Variants in CLCN7 observed in about 807,000 individuals in gnomAD.
The protein encoded by CLCN7 is H(+)/Cl(-) exchange transporter 7.
CLCN7 carries 60 observed loss-of-function variants against 102.1 expected under a neutral mutation model. The observed-to-expected ratio is 0.59, with a 90% CI of 0.48 to 0.73. The LOEUF (loss-of-function observed/expected upper bound fraction) is 0.73, where lower values mean the gene tolerates loss of function less well. Among genes scored for constraint, CLCN7 ranks in the 30% least tolerant of loss-of-function variants. CLCN7 has a pLI of 0.00. For missense variants in CLCN7, 962 were observed against 1,125.7 expected, an observed-to-expected ratio of 0.85 and a Z score of 2.08; for synonymous variants, 560 against 490.5, an observed-to-expected ratio of 1.14 and a Z score of -1.87.
At chr16:1,447,107 T>C in intron 23 of CLCN7, 21 bp from the exon 24 acceptor site, 1 of 1,579,570 alleles carries the variant, frequency 6.3e-7, no homozygotes, top group Non-Finnish European at 8.6e-7. Context: ...GGCACAGCTG[T>C]CAGTGCCCGC....
At chr16:1,452,097 C>T in intron 15 of CLCN7, 2 of 329,754 alleles carry the variant, frequency 6.1e-6, no homozygotes, top group South Asian at 5.1e-5. Flanking sequence ...GGCCCAGAGC[C>T]TCCTGGGCTC....
At chr16:1,462,025 C>T (rs1032190684) in intron 2 of CLCN7, among the ~76,000 whole-genome samples, 4 of 151,230 alleles carry the variant, frequency 2.6e-5, no homozygotes, top group African/African-American at 9.7e-5. Flanking sequence ...GCAGAGGTTG[C>T]AGTGAGCCGA....
In CLCN7 at chr16:1,446,534, G is replaced by T. The variant is rs1226225020; in HGVS notation, c.*97C>A. On this transcript the variant is annotated 3_prime_UTR_variant, in exon 25 of 25. Transcript: ENST00000382745. ...AGGGTGCTCGCCATTGCCACTGCTG[G>T]GGAGCATGGTTTGGGCCGAGAAACC... 2.6e-6 allele frequency: 3 copies of T among 1,156,570 alleles called. No homozygotes were observed. Among genetic ancestry groups the T allele is most frequent in the Non-Finnish European group, 3.8e-6 (3 of 791,328 alleles). The allele number at this position is 1,156,570 out of a possible 1,614,324, so 71.6% of individuals were successfully genotyped here.
At chr16:1,458,254 A>T (rs910754490) in intron 7 of CLCN7, among the ~76,000 whole-genome samples, 5 of 152,206 alleles carry the variant, frequency 3.3e-5, no homozygotes, top group African/African-American at 1.2e-4. Context: ...GGTGTTTATC[A>T]GCCTCCCTGC....
At position 1,446,184 on chromosome 16, in the gene CLCN7, G is replaced by C. The variant is rs2038636527; in HGVS notation, c.*447C>G. On this transcript the variant is annotated 3_prime_UTR_variant, in exon 25 of 25. Coordinates refer to ENST00000382745, the MANE Select transcript of CLCN7 (RefSeq NM_001287.6). ...GAAAATGAGGCCAAGCAGCTCCCAA[G>C]TCTCGAAGACTCCACTGGTGTGGAG... 1.3e-5 allele frequency: 8 copies of C among 608,730 alleles called. No individual in the cohort carries two copies. The allele number at this position is 608,730 out of a possible 1,614,324, so 37.7% of individuals were successfully genotyped here. A position where few individuals can be genotyped will look rare whatever the true frequency, so the allele number is the denominator to read the frequency against.
At chr16:1,468,736 C>T (rs74586438) in intron 1 of CLCN7, among the ~76,000 whole-genome samples, 1 of 127,992 alleles carries the variant, frequency 7.8e-6, no homozygotes, top group Non-Finnish European at 1.7e-5. Context: ...CCTGCACCCC[C>T]TTCCTGGTGC....
chr16:1,447,889 T>C (rs1282429828), intron 21 of CLCN7, among the ~76,000 whole-genome samples, 175 bp from the exon 22 acceptor site: 1 of 152,152 alleles, frequency 6.6e-6, no homozygotes, highest in Non-Finnish European at 1.5e-5. Context: ...ACACGCACAA[T>C]GCCACGGGAC....
rs2038914553 is a variant in CLCN7, at chr16:1,460,423, T to C, written c.589A>G (p.Ile197Val). The change falls in exon 6 of 25, where the codon ATA (isoleucine) becomes GTA (valine). Residue 197 changes from isoleucine (I) to valine (V), a missense_variant. This residue lies in a region of CLCN7 where 799 missense variants were observed against 988.0 expected (regional missense o/e 0.81). Transcript: ENST00000382745. Reference sequence around the variant, plus strand: ...TGCGGCATCCTGCCACCCACCTCTATGAAAGCCACAATCACAGAGCCCACG... The same window carrying C: ...TGCGGCATCCTGCCACCCACCTCTACGAAAGCCACAATCACAGAGCCCACG... ...VLVGSVIVAF[I>V]EPVAAGSGIP... 1.2e-6 allele frequency: 2 copies of C among 1,612,654 alleles called. No homozygotes were observed. Among genetic ancestry groups the C allele is most frequent in the Non-Finnish European group, 1.7e-6 (2 of 1,179,072 alleles).
intron 1 of CLCN7, among the ~76,000 whole-genome samples, chr16:1,469,946 T>C (rs2039054229): frequency 6.6e-6 from 1 of 152,130 alleles, no homozygotes; most frequent in South Asian, 2.1e-4. Flanking sequence ...CCCCGTGAAA[T>C]AAGCCAGTCA....
At chr16:1,455,657 A>G in intron 11 of CLCN7, 74 bp downstream of exon 11, 2 of 1,506,724 alleles carry the variant, frequency 1.3e-6, no homozygotes, top group Non-Finnish European at 1.8e-6. Flanking sequence ...GGTGGCCCCA[A>G]GGTGGACCCC....
intron 2 of CLCN7, among the ~76,000 whole-genome samples, chr16:1,462,683 A>AAAAAAC (rs1471363912): frequency 6.6e-6 from 1 of 150,956 alleles, no homozygotes; most frequent in African/African-American, 2.5e-5. Flanking sequence ...AAAAAAAAAA[A>AAAAAAC]AAAACCAGGC....
rs1169535855 is a variant in CLCN7, at chr16:1,451,921, AAGG to A, written c.1354-208_1354-206del. The stretch of plus-strand genomic sequence containing the variant: ...GGCCCAAGCCATGGTCACGGAGGGA[AAGG>A]AGGACACACACGGCCTAGGCCCAGC... On this transcript the variant is annotated intron_variant, in intron 15 of 24. Transcript: ENST00000382745. 13 of 596,338 alleles carry A rather than the reference AAGG, an allele frequency of 2.2e-5. No individual in the cohort carries two copies. The East Asian group carries it at 3.6e-4, about 17-fold the overall frequency. 36.9% of individuals were successfully genotyped at this position (596,338 alleles called of 1,614,324 possible). A position where few individuals can be genotyped will look rare whatever the true frequency, so the allele number is the denominator to read the frequency against.
chr16:1,467,955 T>C (rs1172345185), intron 1 of CLCN7: 1 of 152,186 alleles, frequency 6.6e-6, no homozygotes, highest in Admixed American at 6.6e-5. Flanking sequence ...TGGTGGCGTG[T>C]ACCTGTGGCC....
chr16:1,448,417 G>A lies in CLCN7; in HGVS notation c.1951C>T (p.Leu651=). 1 of 1,612,592 alleles carries A rather than the reference G, an allele frequency of 6.2e-7. No homozygotes were observed. The highest frequency in any genetic ancestry group is 8.5e-7 in the Non-Finnish European group (1 of 1,179,964). The part of the protein sequence containing the change: ...REKVGVIVDV[L]SDTASNHNGF... ...TTGTGATTGGACGCCGTGTCGCTCAGCACGTCCACAATGACGCCGACCTTC... is the reference window on the plus strand; with the variant it reads ...TTGTGATTGGACGCCGTGTCGCTCAACACGTCCACAATGACGCCGACCTTC... Residue 651 remains leucine, a synonymous_variant, in exon 21 of 25, where the codon CTG becomes TTG. Coordinates refer to ENST00000382745, the MANE Select transcript of CLCN7 (RefSeq NM_001287.6).
chr16:1,446,709 C>T lies in CLCN7; in HGVS notation c.2340G>A (p.Gly780=), dbSNP rs1446512646. 3.2e-6 allele frequency: 5 copies of T among 1,587,108 alleles called. No homozygotes were observed. The highest frequency in any genetic ancestry group is 1.7e-5 in the Admixed American group (1 of 57,428). ...VVVDNRNQVV[G]LVTRKDLARY... is the part of the protein sequence containing the mutation. ...TGGCGAGGTCCTTCCTGGTCACCAA[C>T]CCGACAACCTGCAGGACAAGTCCAG... Residue 780 remains glycine (G), a synonymous_variant, in exon 25 of 25, where the codon GGG becomes GGA. Transcript: ENST00000382745.
chr16:1,462,683 A>AAAAAAAAAAAAAAAAAAAAAAC (rs1471363912), intron 2 of CLCN7, among the ~76,000 whole-genome samples: 2 of 150,958 alleles, frequency 1.3e-5, no homozygotes, highest in African/African-American at 4.9e-5. Context: ...AAAAAAAAAA[A>AAAAAAAAAAAAAAAAAAAAAAC]AAAACCAGGC....
intron 2 of CLCN7, 79 bp from the exon 3 acceptor site, chr16:1,461,753 G>T: frequency 8.2e-7 from 1 of 1,214,728 alleles, no homozygotes; most frequent in Non-Finnish European, 1.2e-6. Flanking sequence ...TCACACACGA[G>T]GCCATTATCA....
chr16:1,447,166 C>A (rs1331544988), intron 23 of CLCN7, 80 bp from the exon 24 acceptor site: 1 of 1,362,782 alleles, frequency 7.3e-7, no homozygotes, highest in Non-Finnish European at 1.0e-6. Flanking sequence ...GCTCCCTGCA[C>A]CCCCCACCAC....
At chr16:1,466,685 G>A (rs11866495) in intron 1 of CLCN7, 21,784 of 152,232 alleles carry the variant, frequency 0.14, 1,774 homozygotes, top group African/African-American at 0.21. Flanking sequence ...GGGTACAGTG[G>A]CTCATGCCTG....
Sources: gnomAD v4.1 joint callset for allele counts (sites outside exome capture counted in the v4.1 genomes callset) on GRCh38, gnomAD v4.1.1 for gene constraint, gnomAD v4.1.1 regional missense constraint, MANE v1.5 for transcripts, NCBI Gene and HGNC (gene_info 2026-07-23, HGNC 2026-07-21) for gene names.